ZNF385D: variants seen among roughly 807,000 people sequenced by gnomAD.
ZNF385D encodes the protein zinc finger protein 385D.
Under a neutral mutation model 35.8 loss-of-function variants are expected in ZNF385D, and 15 were observed. The ratio of observed to expected loss-of-function variants is 0.42; its 90% CI spans 0.28 to 0.64. The LOEUF (loss-of-function observed/expected upper bound fraction) is 0.64, where lower values mean the gene tolerates loss of function less well. Among genes scored for constraint, ZNF385D ranks in the 30% least tolerant of loss-of-function variants. The pLI is 0.23. For missense variants in ZNF385D, 474 were observed against 494.6 expected (o/e 0.96, Z 0.39); for synonymous variants, 212 against 186.8 (o/e 1.13, Z -1.10).
At chr3:22,280,529 C>G (rs1383874139) in intron 2 of ZNF385D, among the ~76,000 whole-genome samples, 3 of 152,030 alleles carry the variant, frequency 2.0e-5, no homozygotes. Flanking sequence ...ATAGGGTGTC[C>G]TTTCCCCACT....
At chr3:22,041,090 T>A (rs936259009) in intron 3 of ZNF385D, among the ~76,000 whole-genome samples, 2 of 152,052 alleles carry the variant, frequency 1.3e-5, no homozygotes, top group African/African-American at 4.8e-5. Flanking sequence ...TTAGGTCAGT[T>A]CTCCCGCTCT....
chr3:22,302,821 C>T (rs774582343), intron 2 of ZNF385D, among the ~76,000 whole-genome samples: 15 of 151,850 alleles, frequency 9.9e-5, no homozygotes, highest in Non-Finnish European at 1.8e-4. Flanking sequence ...TTCTTAGTTA[C>T]GTAAGATTTG....
intron 3 of ZNF385D, among the ~76,000 whole-genome samples, chr3:21,978,690 G>A (rs1020419739): frequency 6.6e-6 from 1 of 151,990 alleles, no homozygotes; most frequent in African/African-American, 2.4e-5. Flanking sequence ...TATGTCTCTA[G>A]ATAGCTCATT....
At chr3:22,015,947 C>A (rs1007644382) in intron 3 of ZNF385D, among the ~76,000 whole-genome samples, 5 of 152,020 alleles carry the variant, frequency 3.3e-5, no homozygotes, top group African/African-American at 1.2e-4. Flanking sequence ...TCTGTGGGAG[C>A]ATATGATTTT....
intron 3 of ZNF385D, among the ~76,000 whole-genome samples, chr3:22,125,867 T>C (rs116590543): frequency 0.05 from 7,615 of 152,180 alleles, 322 homozygotes; most frequent in African/African-American, 0.12. Context: ...CAAAGAAGGA[T>C]AATTTGACTT....
chr3:21,953,362 G>A (rs966310229), intron 3 of ZNF385D, among the ~76,000 whole-genome samples: 20 of 151,760 alleles, frequency 1.3e-4, no homozygotes, highest in Admixed American at 1.3e-3. Flanking sequence ...AAATTGACTG[G>A]ATCTTTGAAT....
At chr3:21,910,873 AT>A (rs1318731216) in intron 3 of ZNF385D, among the ~76,000 whole-genome samples, 2 of 151,878 alleles carry the variant, frequency 1.3e-5, no homozygotes, top group Non-Finnish European at 2.9e-5. Flanking sequence ...TTAAGATTAA[AT>A]TTAGTTTTTG....
chr3:21,923,194 C>A (rs1327046584), intron 3 of ZNF385D, among the ~76,000 whole-genome samples: 1 of 151,918 alleles, frequency 6.6e-6, no homozygotes, highest in Non-Finnish European at 1.5e-5. Flanking sequence ...TCCCCCCACC[C>A]CACAACAGGC....
chr3:21,827,802 T>C (rs1411301698), intron 3 of ZNF385D, among the ~76,000 whole-genome samples: 1 of 152,218 alleles, frequency 6.6e-6, no homozygotes, highest in Non-Finnish European at 1.5e-5. Context: ...TTCATTCAAA[T>C]GCAGTTTTTG....
chr3:22,110,053 A>G (rs376098594), intron 3 of ZNF385D, among the ~76,000 whole-genome samples: 35 of 152,266 alleles, frequency 2.3e-4, no homozygotes, highest in East Asian at 1.4e-3. Flanking sequence ...ATCATCACTG[A>G]CCATCAGAGA....
chr3:22,043,781 A>C (rs945408100), intron 3 of ZNF385D, among the ~76,000 whole-genome samples: 1 of 152,104 alleles, frequency 6.6e-6, no homozygotes, highest in Non-Finnish European at 1.5e-5. Flanking sequence ...ACAGGTTGTC[A>C]TTTCCAACAT....
intron 2 of ZNF385D, among the ~76,000 whole-genome samples, chr3:22,215,381 T>C (rs972835432): frequency 6.6e-6 from 1 of 152,056 alleles, no homozygotes; most frequent in Admixed American, 6.6e-5. Context: ...TGAATTCTTT[T>C]TCTCAGCAAG....
intron 5 of ZNF385D, among the ~76,000 whole-genome samples, chr3:21,434,546 T>A (rs1307915388): frequency 6.6e-6 from 1 of 152,140 alleles, no homozygotes. Context: ...GCATTCACAT[T>A]TATCCACATC....
chr3:21,720,768 C>T (rs537695947), intron 1 of ZNF385D, among the ~76,000 whole-genome samples: 1 of 152,248 alleles, frequency 6.6e-6, no homozygotes, highest in East Asian at 1.9e-4. Flanking sequence ...GCTATGTTAA[C>T]AATATGTTTG....
At chr3:22,359,121 A>G (rs1696295343) in intron 2 of ZNF385D, among the ~76,000 whole-genome samples, 1 of 151,560 alleles carries the variant, frequency 6.6e-6, no homozygotes, top group Non-Finnish European at 1.5e-5. Context: ...CTTGATAACT[A>G]CGGTTGATTA....
chr3:21,682,045 C>G (rs2066928228), intron 1 of ZNF385D, among the ~76,000 whole-genome samples: 1 of 152,100 alleles, frequency 6.6e-6, no homozygotes, highest in Non-Finnish European at 1.5e-5. Flanking sequence ...CACAGTAAGT[C>G]TAACTGTTGC....
chr3:21,724,701 CA>C (rs1041882690), intron 1 of ZNF385D, among the ~76,000 whole-genome samples: 3 of 151,932 alleles, frequency 2.0e-5, no homozygotes, highest in African/African-American at 7.3e-5. Flanking sequence ...TAGAGACTTA[CA>C]AAGAGACTTA....
intron 2 of ZNF385D, among the ~76,000 whole-genome samples, chr3:22,273,525 A>G (rs969544738): frequency 1.3e-5 from 2 of 151,988 alleles, no homozygotes; most frequent in Non-Finnish European, 2.9e-5. Flanking sequence ...ACTAGCCCTC[A>G]TAACAAAAAA....
chr3:22,180,205 C>T (rs1053081445), intron 2 of ZNF385D, among the ~76,000 whole-genome samples: 2 of 152,128 alleles, frequency 1.3e-5, no homozygotes, highest in Admixed American at 6.5e-5. Context: ...ATAAATTCCT[C>T]GACACATACA....
Sources: allele counts gnomAD v4.1 joint callset (sites outside exome capture counted in the v4.1 genomes callset), GRCh38; gene constraint gnomAD v4.1.1; transcripts MANE v1.5; gene names NCBI Gene and HGNC (gene_info 2026-07-23, HGNC 2026-07-21).